Variants in SPHKAP observed in about 807,000 individuals in gnomAD.
The protein encoded by SPHKAP is SPHK1 interactor, AKAP domain containing.
In SPHKAP, 67 loss-of-function variants were observed where a neutral mutation model predicts 137.5. The ratio of observed to expected loss-of-function variants is 0.49; its 90% CI spans 0.40 to 0.60. The LOEUF (loss-of-function observed/expected upper bound fraction) is 0.60. Among genes scored for constraint, SPHKAP ranks in the 20% least tolerant of loss-of-function variants. The pLI is 0.00. For synonymous variants in SPHKAP, 813 were observed against 785.3 expected, an observed-to-expected ratio of 1.04 and a Z score of -0.59; for missense variants, 2,097 against 2,069.3, an observed-to-expected ratio of 1.01 and a Z score of -0.26.
At chr2:228,136,794 AT>A (rs1321529330) in intron 1 of SPHKAP, among the ~76,000 whole-genome samples, 1 of 152,234 alleles carries the variant, frequency 6.6e-6, no homozygotes, top group African/African-American at 2.4e-5. Flanking sequence ...CACCATTCTG[AT>A]ACTGAGAAAA....
In SPHKAP at chr2:228,020,089, C is replaced by T. The variant is rs1177603626; in HGVS notation, c.765G>A (p.Val255=). 3 of 1,614,120 alleles carry T rather than the reference C, an allele frequency of 1.9e-6. No homozygotes were observed. The highest frequency in any genetic ancestry group is 1.7e-6 in the Non-Finnish European group (2 of 1,180,020). The part of the protein sequence containing the change: ...ESKQLKGATQ[V]EWNCNKEKWL... ...ACTTTTCCTTGTTGCAATTCCATTC[C>T]ACCTGGGTGGCTCCCTTTAGCTGTT... The change falls in exon 7 of 12, where the codon GTG becomes GTA. Residue 255 remains valine, a synonymous_variant. Transcript: ENST00000392056.
rs1262034774 is a variant in SPHKAP at position 228,153,176 on chromosome 2, T to C, written c.33-21091A>G. Among the ~76,000 whole-genome samples, 6 of 152,312 alleles carry C rather than the reference T, an allele frequency of 3.9e-5. No individual in the cohort carries two copies. The East Asian group carries it at 9.7e-4, about 25-fold the overall frequency. On this transcript the variant is annotated intron_variant, in intron 1 of 11. Transcript: ENST00000392056. ...TAAATTACCCAGTCTCAGGTGTGTC[T>C]TTATCAGCAGTGTGAAAACGGACTA...
Position 228,017,536 on chromosome 2 carries a change from C to T in SPHKAP, c.3318G>A (p.Leu1106=), listed in dbSNP as rs749759407. ...AGCTGGCCCTGCTGACCGGCTGGCT[C>T]AGCGTGCTCATTAAGCCCAGGCTGT... is the stretch of plus-strand genomic sequence containing the variant. The part of the protein sequence containing the change: ...YVNSLGLMST[L]SQPVSRASSV... Residue 1106 remains leucine (L), a synonymous_variant, in exon 7 of 12, where the codon CTG becomes CTA. Coordinates refer to ENST00000392056, the MANE Select transcript of SPHKAP (RefSeq NM_001142644.2). 2.5e-6 allele frequency: 4 copies of T among 1,613,128 alleles called. No homozygotes were observed. Among genetic ancestry groups the T allele is most frequent in the African/African-American group, 1.3e-5 (1 of 75,054 alleles).
At chr2:228,171,987 C>T (rs1229265895) in intron 1 of SPHKAP, among the ~76,000 whole-genome samples, 1 of 151,868 alleles carries the variant, frequency 6.6e-6, no homozygotes, top group African/African-American at 2.4e-5. Flanking sequence ...TCAAAATAAC[C>T]TTTGAAAATC....
At chr2:228,042,347 T>C (rs1695885335) in intron 3 of SPHKAP, among the ~76,000 whole-genome samples, 1 of 152,176 alleles carries the variant, frequency 6.6e-6, no homozygotes. Context: ...TATCAATTCT[T>C]ACTATTATTA....
At chr2:228,030,510 T>A in intron 3 of SPHKAP, among the ~76,000 whole-genome samples, 2 of 43,730 alleles carry the variant, frequency 4.6e-5, no homozygotes, top group Admixed American at 3.5e-4. Flanking sequence ...CAAGATACCA[T>A]CTCAAAAAAA....
In SPHKAP at chr2:228,078,008, C is replaced by T. The variant is rs371557339; in HGVS notation, c.246+30824G>A. 1.1e-4 allele frequency among the ~76,000 whole-genome samples: 16 copies of T among 152,280 alleles called. No individual in the cohort carries two copies. The South Asian group carries it at 1.5e-3, about 14-fold the overall frequency. ...GGTTTTAAAAATGGGAGTTTCCCTG[C>T]ACAAGCCCCCTTTGCCTGCTGCCAT... is the stretch of plus-strand genomic sequence containing the variant. On this transcript the variant is annotated intron_variant, in intron 3 of 11. Coordinates refer to ENST00000392056, the MANE Select transcript of SPHKAP (RefSeq NM_001142644.2).
At chr2:228,116,673 G>C (rs1698719007) in intron 2 of SPHKAP, among the ~76,000 whole-genome samples, 1 of 152,162 alleles carries the variant, frequency 6.6e-6, no homozygotes, top group South Asian at 2.1e-4. Context: ...AATATTTGCT[G>C]TGGGTGAGCC....
At chr2:228,130,406 T>C (rs986456970) in intron 2 of SPHKAP, among the ~76,000 whole-genome samples, 27 of 152,170 alleles carry the variant, frequency 1.8e-4, no homozygotes, top group African/African-American at 6.5e-4. Flanking sequence ...TATTAATTCA[T>C]TGAGTCCTTG....
chr2:228,173,573 G>T (rs1013627680), intron 1 of SPHKAP, among the ~76,000 whole-genome samples: 10 of 152,136 alleles, frequency 6.6e-5, no homozygotes, highest in African/African-American at 2.4e-4. Flanking sequence ...TAGCTTTGTA[G>T]ATGGAGAAAG....
chr2:228,022,260 A>G (rs1694868369), intron 5 of SPHKAP: 4 of 897,230 alleles, frequency 4.5e-6, no homozygotes, highest in Non-Finnish European at 5.3e-6. Flanking sequence ...TAAACAGGCA[A>G]AGAAGATTTT....
intron 1 of SPHKAP, among the ~76,000 whole-genome samples, chr2:228,166,024 C>A (rs999472779): frequency 1.3e-5 from 2 of 152,114 alleles, no homozygotes; most frequent in Admixed American, 1.3e-4. Context: ...AAACTACCAC[C>A]AAATGAGTCT....
chr2:228,092,254 T>C (rs559958191), intron 3 of SPHKAP, among the ~76,000 whole-genome samples: 67 of 141,312 alleles, frequency 4.7e-4, no homozygotes, highest in South Asian at 1.1e-3. Context: ...CGTGTATATG[T>C]GTGTATACGT....
chr2:227,998,602 T>C (rs1048638679), intron 7 of SPHKAP, among the ~76,000 whole-genome samples: 2 of 152,292 alleles, frequency 1.3e-5, no homozygotes, highest in Admixed American at 1.3e-4. Context: ...CTGTACACAC[T>C]GGGAATTACC....
intron 3 of SPHKAP, chr2:228,027,996 T>C: frequency 2.1e-6 from 2 of 966,606 alleles, no homozygotes; most frequent in Non-Finnish European, 2.4e-6. Context: ...AAAAAAGAAA[T>C]AGTAATTTCA....
intron 3 of SPHKAP, among the ~76,000 whole-genome samples, chr2:228,067,042 C>T (rs915739282): frequency 6.6e-6 from 1 of 152,162 alleles, no homozygotes; most frequent in South Asian, 2.1e-4. Context: ...TCAGCTCCAC[C>T]GACGTGACTA....
intron 3 of SPHKAP, among the ~76,000 whole-genome samples, chr2:228,099,919 G>A (rs958540871): frequency 6.6e-6 from 1 of 151,436 alleles, no homozygotes; most frequent in South Asian, 2.1e-4. Flanking sequence ...GCGCAATCTC[G>A]GCTCACTGCA....
chr2:228,041,542 G>T (rs1447005956), intron 3 of SPHKAP, among the ~76,000 whole-genome samples: 3 of 151,644 alleles, frequency 2.0e-5, no homozygotes, highest in Non-Finnish European at 4.4e-5. Flanking sequence ...TACTCAGGAG[G>T]CTGAGGCAGG....
intron 3 of SPHKAP, among the ~76,000 whole-genome samples, chr2:228,069,445 C>CT (rs1250162411): frequency 2.5e-5 from 2 of 81,492 alleles, no homozygotes; most frequent in Admixed American, 2.0e-4. Context: ...TTCTTTCTTT[C>CT]TTTCTTTTTT....
Sources: allele counts gnomAD v4.1 joint callset (sites outside exome capture counted in the v4.1 genomes callset), GRCh38; gene constraint gnomAD v4.1.1; transcripts MANE v1.5; gene names NCBI Gene and HGNC (gene_info 2026-07-23, HGNC 2026-07-21).